Variants in MIDEAS observed in about 807,000 individuals in gnomAD.
MIDEAS encodes mitotic deacetylase-associated SANT domain protein.
In MIDEAS, 26 loss-of-function variants were observed where a neutral mutation model predicts 102.7. The observed-to-expected ratio is 0.25, with a 90% CI of 0.19 to 0.35. The LOEUF is 0.35. Ranked by LOEUF, MIDEAS falls within the 10% of genes least tolerant of loss-of-function variation. The pLI is 1.00. For synonymous variants in MIDEAS, 585 were observed against 591.0 expected (o/e 0.99, Z 0.15); for missense variants, 1,231 against 1,435.6 (o/e 0.86, Z 2.30).
Position 73,742,055 on chromosome 14 carries a change from C to A in MIDEAS, c.-247-1800G>T, listed in dbSNP as rs2053287770. 6.6e-6 allele frequency among the ~76,000 whole-genome samples: 1 copy of A among 152,220 alleles called. No homozygotes were observed. Among genetic ancestry groups the A allele is most frequent in the Non-Finnish European group, 1.5e-5 (1 of 68,028 alleles). ...CAGAGCAGGAACCCAAAAGCTAAAC[C>A]CTGCACTGAAAATCACCCTGGGCAC... On this transcript the variant is annotated intron_variant, in intron 1 of 12. Coordinates refer to ENST00000423556, the MANE Select transcript of MIDEAS (RefSeq NM_001367710.1). The surrounding 1 kb of genome is among the most constrained non-coding windows in gnomAD (Gnocchi z 4.4).
At position 73,730,756 on chromosome 14, in the gene MIDEAS, C is replaced by T. The variant is rs189132888; in HGVS notation, c.1750-771G>A. ...AGGGGATCACTTGAGGTCAGGAGTTCGAGACCAGCCTGGCCAACATGGCAA... is the reference window on the plus strand; with the variant it reads ...AGGGGATCACTTGAGGTCAGGAGTTTGAGACCAGCCTGGCCAACATGGCAA... On this transcript the variant is annotated intron_variant, in intron 3 of 12. Coordinates refer to ENST00000423556, the MANE Select transcript of MIDEAS (RefSeq NM_001367710.1). Among the ~76,000 whole-genome samples, 101 of 152,020 alleles carry T rather than the reference C, an allele frequency of 6.6e-4. 1 individual carries two copies. Among genetic ancestry groups the T allele is most frequent in the African/African-American group, 2.3e-3 (95 of 41,400 alleles).
At chr14:73,788,782 G>C (rs147944445), upstream of MIDEAS, among the ~76,000 whole-genome samples, 4 of 152,286 alleles carry the variant, frequency 2.6e-5, no homozygotes, top group East Asian at 7.7e-4. Flanking sequence ...TAATTCCTTA[G>C]TGCATTCTGC....
intron 1 of MIDEAS, among the ~76,000 whole-genome samples, chr14:73,770,536 G>A (rs1566608095): frequency 1.3e-5 from 2 of 152,148 alleles, no homozygotes; most frequent in South Asian, 2.1e-4. Flanking sequence ...GGTGGGGATG[G>A]TGCGGGGGAG....
chr14:73,783,310 G>A (rs961974195), intron 1 of MIDEAS, among the ~76,000 whole-genome samples: 1 of 152,198 alleles, frequency 6.6e-6, no homozygotes, highest in Non-Finnish European at 1.5e-5. Context: ...AACAGGACTG[G>A]AAGGGGAGCA....
At position 73,784,642 on chromosome 14, in the gene MIDEAS, G is replaced by GCCTT. The variant is rs1354315183; in HGVS notation, c.-248+2456_-248+2459dup. Among the ~76,000 whole-genome samples, 4 of 152,296 alleles carry GCCTT rather than the reference G, an allele frequency of 2.6e-5. No individual in the cohort carries two copies. In the East Asian group the frequency reaches 7.7e-4, roughly 29 times the overall value. On this transcript the variant is annotated intron_variant, in intron 1 of 11. Coordinates refer to the MIDEAS transcript ENST00000394071. ...CAAGACTACAGCCAGGCACCAGCAG[G>GCCTT]CCTTCATTATGGCAGTCCTGGTCAG...
intron 1 of MIDEAS, among the ~76,000 whole-genome samples, chr14:73,756,279 TGTGTGTGTGTGTGTGTGCGC>T (rs1430796919): frequency 1.1e-5 from 1 of 89,592 alleles, no homozygotes; most frequent in African/African-American, 4.5e-5. Context: ...TGTGTGTGTG[TGTGTGTGTGTGTGTGTGCGC>T]GCGCGCGTGC....
chr14:73,780,761 C>G (rs1447558481), intron 1 of MIDEAS, among the ~76,000 whole-genome samples: 1 of 152,180 alleles, frequency 6.6e-6, no homozygotes, highest in Non-Finnish European at 1.5e-5. Context: ...ATGTTCTGCA[C>G]TTAGAAAACA....
chr14:73,778,683 C>T (rs2053715587), intron 1 of MIDEAS, among the ~76,000 whole-genome samples: 1 of 151,934 alleles, frequency 6.6e-6, no homozygotes. Flanking sequence ...GAGGAGGGGA[C>T]ATGGAGGGCT....
chr14:73,730,087 CCTA>C, intron 3 of MIDEAS, 102 bp from the exon 4 acceptor site: 1 of 1,183,974 alleles, frequency 8.4e-7, no homozygotes, highest in Non-Finnish European at 1.2e-6. Context: ...ACTTAGTCTG[CCTA>C]CCACACCCAC....
In MIDEAS at chr14:73,737,257, G is replaced by A. The variant is rs749046350; in HGVS notation, c.1490C>T (p.Ala497Val). 3 of 1,613,234 alleles carry A rather than the reference G, an allele frequency of 1.9e-6. No individual in the cohort carries two copies. The African/African-American group carries it at 4.0e-5, about 22-fold the overall frequency. ...CTCCACCCCACACTTGGTAGTTGAG[G>A]CCAATACACTTTTCCGCTTCTCTTC... ...GSEEKRKSVL[A>V]STTKCGVEFS... is the part of the protein sequence containing the mutation. Residue 497 changes from alanine to valine, a missense_variant, in exon 3 of 13, where the codon GCC (alanine) becomes GTC (valine). Coordinates refer to ENST00000423556, the MANE Select transcript of MIDEAS (RefSeq NM_001367710.1).
rs1300999486 is a variant in MIDEAS at position 73,742,011 on chromosome 14, C to G, written c.-247-1756G>C. On this transcript the variant is annotated intron_variant, in intron 1 of 12. Transcript: ENST00000423556. The surrounding 1 kb of genome is among the most constrained non-coding windows in gnomAD (Gnocchi z 4.4). ...TTCTCTTGCTTTTAAACCCGCATTCCCTGACAGCCAACCTAATTCAGAGCA... is the reference window on the plus strand; with the variant it reads ...TTCTCTTGCTTTTAAACCCGCATTCGCTGACAGCCAACCTAATTCAGAGCA... Among the ~76,000 whole-genome samples the G allele has an allele frequency of 6.6e-6, 1 of 152,198 alleles. No homozygotes were observed. Among genetic ancestry groups the G allele is most frequent in the Non-Finnish European group, 1.5e-5 (1 of 68,036 alleles).
At chr14:73,787,564 A>G (rs952830504), upstream of MIDEAS, 1 of 152,298 alleles carries the variant, frequency 6.6e-6, no homozygotes, top group African/African-American at 2.4e-5. Context: ...GTTCCAGGGT[A>G]AACACCAGTA....
intron 1 of MIDEAS, among the ~76,000 whole-genome samples, chr14:73,741,127 C>A (rs748408482): frequency 6.6e-6 from 1 of 152,198 alleles, no homozygotes; most frequent in Non-Finnish European, 1.5e-5. Flanking sequence ...TGCCGAAGAG[C>A]CCCTGGCAAA....
In MIDEAS at chr14:73,717,056, C is replaced by G. The variant is rs2052903019; in HGVS notation, c.*1787G>C. Reference sequence around the variant, plus strand: ...GTCTGGAGGGAGAAGAAATTTGTTACTTCCACAGCTGGGGTCCTGTAGAAC... The same window carrying G: ...GTCTGGAGGGAGAAGAAATTTGTTAGTTCCACAGCTGGGGTCCTGTAGAAC... On this transcript the variant is annotated 3_prime_UTR_variant, in exon 13 of 13. Coordinates refer to ENST00000423556, the MANE Select transcript of MIDEAS (RefSeq NM_001367710.1). 1 of 152,480 alleles carries G rather than the reference C, an allele frequency of 6.6e-6. No homozygotes were observed. Among genetic ancestry groups the G allele is most frequent in the African/African-American group, 2.4e-5 (1 of 41,436 alleles). The allele number at this position is 152,480 out of a possible 1,614,324, so 9.4% of individuals were successfully genotyped here. A position where few individuals can be genotyped will look rare whatever the true frequency, so the allele number is the denominator to read the frequency against.
intron 9 of MIDEAS, 118 bp from the exon 10 acceptor site, chr14:73,722,965 G>T (rs1393511705): frequency 1.2e-5 from 14 of 1,175,384 alleles, no homozygotes; most frequent in Non-Finnish European, 1.6e-5. Flanking sequence ...ATGAAACCCA[G>T]CCAACCCAGG....
intron 9 of MIDEAS, 49 bp from the exon 10 acceptor site, chr14:73,722,896 T>G: frequency 6.3e-7 from 1 of 1,599,898 alleles, no homozygotes; most frequent in Non-Finnish European, 8.5e-7. Flanking sequence ...TTGGCTCATC[T>G]GCCTGTGGAG....
chr14:73,756,266 C>CAGAGAG (rs768216831), intron 1 of MIDEAS, among the ~76,000 whole-genome samples: 4 of 100,354 alleles, frequency 4.0e-5, no homozygotes, highest in South Asian at 3.9e-4. Flanking sequence ...GAGCCCATGT[C>CAGAGAG]AGTGTGTGTG....
chr14:73,737,988 G>A (rs2053225206), intron 2 of MIDEAS, among the ~76,000 whole-genome samples: 2 of 151,802 alleles, frequency 1.3e-5, no homozygotes, highest in African/African-American at 4.8e-5. Context: ...TTGCTGTGTT[G>A]GCCAGGCTGG....
intron 3 of MIDEAS, among the ~76,000 whole-genome samples, chr14:73,732,572 A>C (rs1183338407): frequency 6.6e-6 from 1 of 150,720 alleles, no homozygotes; most frequent in African/African-American, 2.4e-5. Flanking sequence ...GATCACCTGA[A>C]GTCAGGAGTT....
Sources: allele counts gnomAD v4.1 joint callset (sites outside exome capture counted in the v4.1 genomes callset), GRCh38; gene constraint gnomAD v4.1.1; non-coding constraint Gnocchi (gnomAD v3.1); transcripts MANE v1.5; gene names NCBI Gene and HGNC (gene_info 2026-07-23, HGNC 2026-07-21).